Variants in LRRC49 observed in about 807,000 individuals in gnomAD.
The protein encoded by LRRC49 is leucine-rich repeat-containing protein 49.
LRRC49 carries 50 observed loss-of-function variants against 83.3 expected under a neutral mutation model. The observed-to-expected ratio is 0.60, with a 90% CI of 0.48 to 0.76. LRRC49 has a LOEUF of 0.76. LRRC49 is among the 30% of genes least tolerant of loss of function. The probability of loss-of-function intolerance (pLI) is 0.00; values close to 1 mark genes in which losing one functional copy is unlikely to be tolerated. For missense variants in LRRC49, 704 were observed against 809.1 expected, an observed-to-expected ratio of 0.87 and a Z score of 1.58; for synonymous variants, 286 against 283.3, an observed-to-expected ratio of 1.01 and a Z score of -0.10.
chr15:70,892,088 C>G (rs755072420), upstream of LRRC49: 3 of 1,613,866 alleles, frequency 1.9e-6, no homozygotes, highest in Admixed American at 5.0e-5. Context: ...GACGTCAAAA[C>G]AGGCTGGGGC....
intron 7 of LRRC49, 102 bp downstream of exon 7, chr15:70,919,295 A>G: frequency 9.4e-7 from 1 of 1,067,752 alleles, no homozygotes; most frequent in Non-Finnish European, 1.3e-6. Flanking sequence ...ATCTACGGTT[A>G]TTTAGGTTTT....
At chr15:71,025,892 A>G (rs1386294432) in intron 14 of LRRC49, among the ~76,000 whole-genome samples, 1 of 152,190 alleles carries the variant, frequency 6.6e-6, no homozygotes, top group Non-Finnish European at 1.5e-5. Flanking sequence ...TTAGAGACCT[A>G]CAAAGAGACT....
intron 15 of LRRC49, among the ~76,000 whole-genome samples, chr15:71,044,706 A>AGGTT (rs1166709241): frequency 6.6e-6 from 1 of 151,814 alleles, no homozygotes; most frequent in African/African-American, 2.4e-5. Context: ...GGGTCGTTTG[A>AGGTT]GCCTGGGAGG....
At position 70,989,105 on chromosome 15, in the gene LRRC49, A is replaced by G. The variant is rs151012326; in HGVS notation, c.1169+4848A>G. 2.3e-4 allele frequency among the ~76,000 whole-genome samples: 35 copies of G among 152,128 alleles called. No individual in the cohort carries two copies. The East Asian group carries it at 4.8e-3, about 21-fold the overall frequency. On this transcript the variant is annotated intron_variant, in intron 11 of 15. Transcript: ENST00000260382. ...CATTTCAACTTTGGTGAATCTAACA[A>G]TTATGTGTCTTGGAGTTGCTCTTCT...
rs2037205824 is a variant in LRRC49 at position 70,976,330 on chromosome 15, C to CACCT, written c.922-3770_922-3767dup. On this transcript the variant is annotated intron_variant, in intron 9 of 15. Coordinates refer to ENST00000260382, the MANE Select transcript of LRRC49 (RefSeq NM_017691.5). ...GATTGTTTGAGTAAAAATTATTGAC[C>CACCT]ACCTCTTTGAGGGAAAAAACCCTGT... Among the ~76,000 whole-genome samples the CACCT allele has an allele frequency of 2.6e-5, 4 of 152,088 alleles. No homozygotes were observed. The South Asian group carries it at 6.2e-4, about 24-fold the overall frequency.
chr15:70,968,088 A>G lies in LRRC49; in HGVS notation c.921+4156A>G, dbSNP rs150685131. ...GGTGCCATGGTGGTTTGCTGCACCT[A>G]TCAACCCGTAATCTGCATTAGATAT... On this transcript the variant is annotated intron_variant, in intron 9 of 15. Coordinates refer to ENST00000260382, the MANE Select transcript of LRRC49 (RefSeq NM_017691.5). Among the ~76,000 whole-genome samples, 1,358 of 152,056 alleles carry G rather than the reference A, an allele frequency of 8.9e-3. 23 individuals are homozygous for G. Among genetic ancestry groups the G allele is most frequent in the African/African-American group, 0.03 (1,248 of 41,454 alleles).
At chr15:71,001,247 C>A (rs1421724255) in intron 11 of LRRC49, among the ~76,000 whole-genome samples, 1 of 152,050 alleles carries the variant, frequency 6.6e-6, no homozygotes, top group Non-Finnish European at 1.5e-5. Flanking sequence ...TAATCAGTTA[C>A]CCTAGTGCTA....
chr15:70,978,152 T>C (rs1327497688), intron 9 of LRRC49, among the ~76,000 whole-genome samples: 1 of 152,194 alleles, frequency 6.6e-6, no homozygotes, highest in Non-Finnish European at 1.5e-5. Flanking sequence ...ATAACATATA[T>C]ATACTGGTCA....
At chr15:70,959,952 G>A (rs1242989993) in intron 8 of LRRC49, among the ~76,000 whole-genome samples, 2 of 152,150 alleles carry the variant, frequency 1.3e-5, no homozygotes, top group Non-Finnish European at 2.9e-5. Context: ...AGAATAACAG[G>A]AAGAAACATC....
intron 10 of LRRC49, 102 bp from the exon 11 acceptor site, chr15:70,983,992 T>C (rs2037497768): frequency 3.7e-6 from 3 of 819,984 alleles, no homozygotes; most frequent in Non-Finnish European, 6.0e-6. Context: ...CAGGCTCCTT[T>C]TAAAAGTATT....
At chr15:70,998,664 A>G (rs1218823464) in intron 11 of LRRC49, among the ~76,000 whole-genome samples, 1 of 150,974 alleles carries the variant, frequency 6.6e-6, no homozygotes, top group African/African-American at 2.4e-5. Context: ...GTGTGGATCT[A>G]TGAGTTTATC....
intron 8 of LRRC49, among the ~76,000 whole-genome samples, chr15:70,946,904 T>C (rs2036028108): frequency 6.6e-6 from 1 of 152,180 alleles, no homozygotes; most frequent in South Asian, 2.1e-4. Context: ...GTAGTCCCTT[T>C]TTTTTCATAA....
chr15:70,918,020 C>T (rs72757987), intron 6 of LRRC49, among the ~76,000 whole-genome samples: 2,565 of 152,342 alleles, frequency 0.017, 28 homozygotes, highest in Non-Finnish European at 0.026. Context: ...TGCGGTTCCT[C>T]GCATATCCAA....
chr15:70,980,067 C>T, intron 9 of LRRC49, 34 bp from the exon 10 acceptor site: 3 of 1,416,120 alleles, frequency 2.1e-6, no homozygotes, highest in Non-Finnish European at 3.0e-6. Flanking sequence ...AATGGTTAAA[C>T]TCTTCATAAT....
chr15:71,049,691 C>A lies in LRRC49; in HGVS notation c.*79C>A, dbSNP rs958384190. ...AATATGCAGGTTATACATGTTAAAA[C>A]AACAACAACACTATCCTATAAACTA... On this transcript the variant is annotated 3_prime_UTR_variant, in exon 16 of 16. Coordinates refer to ENST00000260382, the MANE Select transcript of LRRC49 (RefSeq NM_017691.5). The A allele has an allele frequency of 1.2e-6, 1 of 862,606 alleles. No homozygotes were observed. The highest frequency in any genetic ancestry group is 2.2e-5 in the Admixed American group (1 of 44,572). 53.4% of individuals were successfully genotyped at this position (862,606 alleles called of 1,614,324 possible).
Position 70,893,621 on chromosome 15 carries a change from C to T in LRRC49, c.86C>T (p.Ser29Leu), listed in dbSNP as rs770126354. 4 of 1,608,162 alleles carry T rather than the reference C, an allele frequency of 2.5e-6. No individual in the cohort carries two copies. Among genetic ancestry groups the T allele is most frequent in the Non-Finnish European group, 3.4e-6 (4 of 1,177,666 alleles). Residue 29 changes from serine to leucine, a missense_variant, in exon 2 of 16, where the codon TCG becomes TTG. Coordinates refer to ENST00000260382, the MANE Select transcript of LRRC49 (RefSeq NM_017691.5). ...CTTCATCTGGTTATTCAAACATCAT[C>T]GCTTCCTGAAAAAAACAAAGTAAGA... is the stretch of plus-strand genomic sequence containing the variant. Reference protein sequence around the residue: ...CGLHLVIQTSSLPEKNKVEFK... With the variant: ...CGLHLVIQTSLLPEKNKVEFK...
intron 8 of LRRC49, among the ~76,000 whole-genome samples, chr15:70,950,395 A>T (rs2036174337): frequency 6.6e-6 from 1 of 152,162 alleles, no homozygotes; most frequent in Non-Finnish European, 1.5e-5. Context: ...CAATGGATGA[A>T]CTAATTTACA....
chr15:70,879,494 T>C (rs1358156664), intron 2 of LRRC49, among the ~76,000 whole-genome samples: 2 of 152,240 alleles, frequency 1.3e-5, no homozygotes, highest in Non-Finnish European at 2.9e-5. Flanking sequence ...CTGGTTAACT[T>C]GGCTGGACTC....
intron 8 of LRRC49, among the ~76,000 whole-genome samples, chr15:70,945,989 A>T (rs2035995009): frequency 6.6e-6 from 1 of 152,202 alleles, no homozygotes; most frequent in Admixed American, 6.5e-5. Context: ...TTTGTGGTAT[A>T]CAAGATAATG....
Sources: allele counts gnomAD v4.1 joint callset (sites outside exome capture counted in the v4.1 genomes callset), GRCh38; gene constraint gnomAD v4.1.1; transcripts MANE v1.5; gene names NCBI Gene and HGNC (gene_info 2026-07-23, HGNC 2026-07-21).